Variants in ATRNL1 observed in about 807,000 individuals in gnomAD.
ATRNL1 encodes the protein attractin like 1, also known as attractin-like protein 1.
In ATRNL1, 95 loss-of-function variants were observed where a neutral mutation model predicts 182.7. The ratio of observed to expected loss-of-function variants is 0.52; its 90% CI spans 0.44 to 0.62. ATRNL1 has a LOEUF of 0.62. ATRNL1 is among the 20% of genes least tolerant of loss of function. The probability of loss-of-function intolerance (pLI) is 0.00; values close to 1 mark genes in which losing one functional copy is unlikely to be tolerated. For missense variants in ATRNL1, 1,471 were observed against 1,679.5 expected (o/e 0.88, Z 2.17); for synonymous variants, 576 against 568.3 (o/e 1.01, Z -0.19).
At chr10:115,118,694 A>G (rs1430795228) in intron 1 of ATRNL1, among the ~76,000 whole-genome samples, 1 of 152,194 alleles carries the variant, frequency 6.6e-6, no homozygotes, top group East Asian at 1.9e-4. Flanking sequence ...TACTAAATGC[A>G]CTCTCAACCT....
At chr10:115,113,940 G>T (rs189309165) in intron 1 of ATRNL1, among the ~76,000 whole-genome samples, 37 of 152,112 alleles carry the variant, frequency 2.4e-4, no homozygotes, top group African/African-American at 8.9e-4. Context: ...TGACTTTGAT[G>T]GAACTTATGT....
chr10:115,293,906 G>A (rs2133958292), intron 15 of ATRNL1, among the ~76,000 whole-genome samples: 1 of 152,200 alleles, frequency 6.6e-6, no homozygotes, highest in East Asian at 1.9e-4. Context: ...CTGTTTGATT[G>A]TTGATGATTT....
At chr10:115,567,972 TA>T (rs1373654048) in intron 26 of ATRNL1, among the ~76,000 whole-genome samples, 2 of 152,274 alleles carry the variant, frequency 1.3e-5, no homozygotes, top group East Asian at 3.9e-4. Context: ...ATCCTTTATC[TA>T]GTTGTTATTC....
At chr10:115,488,500 T>G (rs1849138141) in intron 24 of ATRNL1, among the ~76,000 whole-genome samples, 1 of 152,336 alleles carries the variant, frequency 6.6e-6, no homozygotes, top group East Asian at 1.9e-4. Context: ...TTTTCTAGTT[T>G]ATTTGCATAG....
At position 115,334,373 on chromosome 10, in the gene ATRNL1, T is replaced by A; in HGVS notation, c.3129T>A (p.Cys1043Ter). 6.2e-7 allele frequency: 1 copy of A among 1,606,740 alleles called. No homozygotes were observed. Among genetic ancestry groups the A allele is most frequent in the Non-Finnish European group, 8.5e-7 (1 of 1,174,896 alleles). ...CCACAGGAAAGCAGTGTCAAGATTG[T>A]ATGCCAGGTTATTATGGAGATCCAA... is the stretch of plus-strand genomic sequence containing the variant. ...NLTTGKQCQD[C>*]MPGYYGDPTN... The change falls in exon 19 of 29, where the codon TGT becomes TGA. Residue 1043 changes from cysteine (C) to a stop codon, truncating the protein, a stop_gained. Transcript: ENST00000355044. LOFTEE classifies it high-confidence loss of function.
At chr10:115,675,464 G>A (rs1198920358) in intron 26 of ATRNL1, among the ~76,000 whole-genome samples, 1 of 152,016 alleles carries the variant, frequency 6.6e-6, no homozygotes, top group African/African-American at 2.4e-5. Flanking sequence ...CTGTCATGGG[G>A]TATATTATTT....
At chr10:115,501,710 T>G (rs1849847807) in intron 24 of ATRNL1, among the ~76,000 whole-genome samples, 1 of 152,212 alleles carries the variant, frequency 6.6e-6, no homozygotes, top group African/African-American at 2.4e-5. Context: ...TATTAATAGC[T>G]TTAAAGAAAA....
At chr10:115,871,099 C>T (rs932788937) in intron 28 of ATRNL1, among the ~76,000 whole-genome samples, 17 of 151,974 alleles carry the variant, frequency 1.1e-4, no homozygotes, top group African/African-American at 3.9e-4. Context: ...AATAATATTT[C>T]GGTTCTGTCC....
Position 115,421,447 on chromosome 10 carries a change from A to G in ATRNL1, c.3270-4803A>G, listed in dbSNP as rs570582313. On this transcript the variant is annotated intron_variant, in intron 20 of 28. Transcript: ENST00000355044. ...TACTAGGATGAAGGACAAAAACCAT[A>G]GGATCATCTCAATAGATGCTAAAAA... 1.6e-4 allele frequency among the ~76,000 whole-genome samples: 24 copies of G among 152,312 alleles called. No individual in the cohort carries two copies. The South Asian group carries it at 2.1e-3, about 13-fold the overall frequency.
At chr10:115,440,860 C>G (rs1473547928) in intron 21 of ATRNL1, among the ~76,000 whole-genome samples, 1 of 151,898 alleles carries the variant, frequency 6.6e-6, no homozygotes, top group East Asian at 1.9e-4. Flanking sequence ...GTTTTTCCTG[C>G]ATTTCCTTTA....
chr10:115,582,858 C>G (rs1394311162), intron 26 of ATRNL1, among the ~76,000 whole-genome samples: 15 of 151,336 alleles, frequency 9.9e-5, no homozygotes, highest in African/African-American at 3.4e-4. Flanking sequence ...AGGTTTTCTT[C>G]TAGAGTTTTT....
chr10:115,751,446 G>A (rs1948446359), intron 27 of ATRNL1, among the ~76,000 whole-genome samples: 1 of 152,056 alleles, frequency 6.6e-6, no homozygotes, highest in African/African-American at 2.4e-5. Flanking sequence ...TAAGAGGAAG[G>A]TTGTGAGAAA....
In ATRNL1 at chr10:115,944,553, T is replaced by C. The variant is rs1332130279; in HGVS notation, c.4019-105T>C. 4 of 949,488 alleles carry C rather than the reference T, an allele frequency of 4.2e-6. No homozygotes were observed. The African/African-American group carries it at 5.0e-5, about 12-fold the overall frequency. The allele number at this position is 949,488 out of a possible 1,614,324, so 58.8% of individuals were successfully genotyped here. ...AAACTTCCATTAACAGCCAAACGTG[T>C]GATGACTAAATGAAAAGCAATAAAA... On this transcript the variant is annotated intron_variant, in intron 28 of 28. Transcript: ENST00000355044.
At chr10:115,227,148 G>C (rs1256122712) in intron 9 of ATRNL1, among the ~76,000 whole-genome samples, 1 of 152,082 alleles carries the variant, frequency 6.6e-6, no homozygotes, top group African/African-American at 2.4e-5. Flanking sequence ...CCTACAAAAT[G>C]GGAGAAGATA....
At chr10:115,185,125 T>C (rs1847893456) in intron 8 of ATRNL1, among the ~76,000 whole-genome samples, 1 of 151,952 alleles carries the variant, frequency 6.6e-6, no homozygotes, top group African/African-American at 2.4e-5. Context: ...GAGTTTATGG[T>C]TACTTAGATA....
At chr10:115,370,153 C>T (rs1397274898) in intron 19 of ATRNL1, among the ~76,000 whole-genome samples, 1 of 152,194 alleles carries the variant, frequency 6.6e-6, no homozygotes, top group Non-Finnish European at 1.5e-5. Context: ...ATTGTGAGGC[C>T]TCCCCAGCCA....
intron 27 of ATRNL1, among the ~76,000 whole-genome samples, chr10:115,799,724 T>TTACACA (rs1555083875): frequency 1.3e-5 from 2 of 152,206 alleles, no homozygotes; most frequent in Non-Finnish European, 2.9e-5. Context: ...ACCTTGGCCA[T>TTACACA]TTAGCTAATC....
chr10:115,162,362 G>A (rs1198207966), intron 6 of ATRNL1, among the ~76,000 whole-genome samples: 1 of 151,938 alleles, frequency 6.6e-6, no homozygotes, highest in African/African-American at 2.4e-5. Flanking sequence ...GGAGATCAGA[G>A]GATTGCAGTT....
At position 115,131,077 on chromosome 10, in the gene ATRNL1, A is replaced by G. The variant is rs528502407; in HGVS notation, c.829+1542A>G. 6.3e-4 allele frequency among the ~76,000 whole-genome samples: 96 copies of G among 152,046 alleles called. 2 individuals are homozygous for G. Among genetic ancestry groups the G allele is most frequent in the Admixed American group, 2.2e-3 (33 of 15,272 alleles). On this transcript the variant is annotated intron_variant, in intron 5 of 28. Transcript: ENST00000355044. ...TTTTTTGGCCTTTTCATATCCTATT[A>G]TTCTCATCTGTAATGTCCCAAATCA...
Sources: gnomAD v4.1 joint callset for allele counts (sites outside exome capture counted in the v4.1 genomes callset) on GRCh38, gnomAD v4.1.1 for gene constraint, MANE v1.5 for transcripts, NCBI Gene and HGNC (gene_info 2026-07-23, HGNC 2026-07-21) for gene names.